ATP2A2: variants seen among roughly 807,000 people sequenced by gnomAD.
The protein encoded by ATP2A2 is ATPase sarcoplasmic/endoplasmic reticulum Ca2+ transporting 2.
Under a neutral mutation model 109.3 loss-of-function variants are expected in ATP2A2, and 14 were observed. The ratio of observed to expected loss-of-function variants is 0.13; its 90% CI spans 0.08 to 0.20. The LOEUF (loss-of-function observed/expected upper bound fraction) is 0.20. Ranked by LOEUF, ATP2A2 falls within the 10% of genes least tolerant of loss-of-function variation. The pLI is 1.00. For missense variants in ATP2A2, 657 were observed against 1,321.6 expected, an observed-to-expected ratio of 0.50 and a Z score of 7.80; for synonymous variants, 506 against 490.9, an observed-to-expected ratio of 1.03 and a Z score of -0.41.
chr12:110,298,014 T>C (rs1307636853), intron 5 of ATP2A2, among the ~76,000 whole-genome samples: 2 of 152,216 alleles, frequency 1.3e-5, no homozygotes, highest in Non-Finnish European at 2.9e-5. Flanking sequence ...CATACTGTTA[T>C]TCAGATTATC....
At chr12:110,330,382 G>C (rs1349967095) in intron 8 of ATP2A2, 7 of 152,148 alleles carry the variant, frequency 4.6e-5, no homozygotes, top group African/African-American at 1.7e-4. Context: ...GTTTCTCCAG[G>C]ATATTAAGGT....
At chr12:110,338,300 C>T (rs1879032238) in intron 11 of ATP2A2, among the ~76,000 whole-genome samples, 1 of 152,214 alleles carries the variant, frequency 6.6e-6, no homozygotes, top group South Asian at 2.1e-4. Flanking sequence ...AGTGCTTATC[C>T]ATCACGTGTG....
At chr12:110,293,382 TTTTTTTG>T (rs1384305761) in intron 4 of ATP2A2, among the ~76,000 whole-genome samples, 1 of 122,806 alleles carries the variant, frequency 8.1e-6, no homozygotes, top group Non-Finnish European at 1.7e-5. Context: ...TTTTTTTTTT[TTTTTTTG>T]TTTGTTTGTT....
chr12:110,307,817 G>C (rs1875544777), intron 5 of ATP2A2, among the ~76,000 whole-genome samples: 1 of 152,166 alleles, frequency 6.6e-6, no homozygotes, highest in South Asian at 2.1e-4. Context: ...TCTGTTGATA[G>C]ATTTCTTCTG....
intron 5 of ATP2A2, among the ~76,000 whole-genome samples, chr12:110,314,002 A>C (rs1196390794): frequency 6.7e-6 from 1 of 148,906 alleles, no homozygotes; most frequent in African/African-American, 2.5e-5. Context: ...GGCATGAGCC[A>C]CTGTGCCCGG....
rs1303620235 is a variant in ATP2A2, at chr12:110,303,865, A to G, written c.463+7128A>G. 2.0e-5 allele frequency among the ~76,000 whole-genome samples: 3 copies of G among 152,156 alleles called. No homozygotes were observed. In the South Asian group the frequency reaches 6.2e-4, roughly 32 times the overall value. On this transcript the variant is annotated intron_variant, in intron 5 of 19. Transcript: ENST00000539276. ...CGTGAGCCACTGCACCTGGCCTTCA[A>G]TACAATTATTGAATGCCAGATTATT...
At chr12:110,333,777 CATCTT>C (rs1192459963) in intron 10 of ATP2A2, among the ~76,000 whole-genome samples, 1 of 152,126 alleles carries the variant, frequency 6.6e-6, no homozygotes, top group Non-Finnish European at 1.5e-5. Flanking sequence ...TGTTTGATGT[CATCTT>C]ATATTTAAGG....
intron 5 of ATP2A2, among the ~76,000 whole-genome samples, chr12:110,304,806 C>T (rs1302540891): frequency 2.0e-5 from 3 of 152,034 alleles, no homozygotes; most frequent in African/African-American, 7.2e-5. Context: ...GGTGTGATGT[C>T]TAAGAAACTG....
chr12:110,333,700 G>A (rs908759928), intron 10 of ATP2A2, among the ~76,000 whole-genome samples: 1 of 152,180 alleles, frequency 6.6e-6, no homozygotes, highest in Non-Finnish European at 1.5e-5. Context: ...ATTATTATGT[G>A]AAGGCACTCT....
In ATP2A2 at chr12:110,348,445, C is replaced by T. The variant is rs11065633; in HGVS notation, c.*1975C>T. ...CTTAGGCTCTGGTTACTGGGATGGCCAGTAGATGTAATGCAGATGGTTGGA... is the reference window on the plus strand; with the variant it reads ...CTTAGGCTCTGGTTACTGGGATGGCTAGTAGATGTAATGCAGATGGTTGGA... On this transcript the variant is annotated 3_prime_UTR_variant, in exon 20 of 20. Coordinates refer to ENST00000539276, the MANE Select transcript of ATP2A2 (RefSeq NM_170665.4). The T allele has an allele frequency of 5.2e-3, 5,161 of 985,364 alleles. 164 individuals carry two copies. In the African/African-American group the frequency reaches 0.078, roughly 15 times the overall value. The allele number at this position is 985,364 out of a possible 1,614,324, so 61.0% of individuals were successfully genotyped here. A position where few individuals can be genotyped will look rare whatever the true frequency, so the allele number is the denominator to read the frequency against.
In ATP2A2 at chr12:110,326,467, C is replaced by T. The variant is rs1877813143; in HGVS notation, c.622C>T (p.Leu208=). The T allele has an allele frequency of 1.9e-6, 3 of 1,611,150 alleles. No homozygotes were observed. The highest frequency in any genetic ancestry group is 2.5e-6 in the Non-Finnish European group (3 of 1,177,530). Residue 208 remains leucine, a synonymous_variant, in exon 7 of 20, where the codon CTG becomes TTG. Transcript: ENST00000539276. ...TGTCAACCAAGATAAAAAGAACATGCTGTTTTCTGTAAGTACTTTATGAAA... is the reference window on the plus strand; with the variant it reads ...TGTCAACCAAGATAAAAAGAACATGTTGTTTTCTGTAAGTACTTTATGAAA... ...RAVNQDKKNM[L]FSGTNIAAGK...
intron 5 of ATP2A2, among the ~76,000 whole-genome samples, chr12:110,314,715 G>A (rs1238481251): frequency 6.6e-6 from 1 of 152,094 alleles, no homozygotes; most frequent in African/African-American, 2.4e-5. Context: ...GCAGTACCTG[G>A]TCTAGAAATA....
In ATP2A2 at chr12:110,348,320, A is replaced by ATGTT. The variant is rs1466914405; in HGVS notation, c.*1851_*1854dup. On this transcript the variant is annotated 3_prime_UTR_variant, in exon 20 of 20. Coordinates refer to ENST00000539276, the MANE Select transcript of ATP2A2 (RefSeq NM_170665.4). ...TGGCTAAGACTTAGCTCTGCAGGGG[A>ATGTT]TGTTAAAGCACAGTTAGTAGGACGT... 7 of 983,406 alleles carry ATGTT rather than the reference A, an allele frequency of 7.1e-6. No individual in the cohort carries two copies. Among genetic ancestry groups the ATGTT allele is most frequent in the Non-Finnish European group, 7.2e-6 (6 of 829,630 alleles). 60.9% of individuals were successfully genotyped at this position (983,406 alleles called of 1,614,324 possible).
chr12:110,339,767 T>C lies in ATP2A2; in HGVS notation c.1761+46T>C. Reference sequence around the variant, plus strand: ...TTTGTCCACACCCTGCACGATTCATTGTGTTTAAACAGTACTCCTTCAAGC... The same window carrying C: ...TTTGTCCACACCCTGCACGATTCATCGTGTTTAAACAGTACTCCTTCAAGC... On this transcript the variant is annotated intron_variant, in intron 13 of 19. Transcript: ENST00000539276. This position sits in a 1 kb window ranked among gnomAD's most constrained non-coding sequence, Gnocchi z 4.4. The C allele has an allele frequency of 1.3e-6, 2 of 1,588,476 alleles. No homozygotes were observed. The highest frequency in any genetic ancestry group is 2.7e-5 in the African/African-American group (2 of 74,506).
intron 3 of ATP2A2, among the ~76,000 whole-genome samples, chr12:110,286,818 TA>T (rs1245521968): frequency 6.6e-6 from 1 of 152,242 alleles, no homozygotes; most frequent in Non-Finnish European, 1.5e-5. Flanking sequence ...ATGATCTTTT[TA>T]AGCACTTTTT....
intron 11 of ATP2A2, 157 bp downstream of exon 11, chr12:110,334,300 C>G (rs556613838): frequency 1.1e-6 from 1 of 941,970 alleles, no homozygotes; most frequent in South Asian, 1.4e-5. Context: ...AGGTAAGATG[C>G]TCTTCCTGTG....
chr12:110,300,141 C>A lies in ATP2A2; in HGVS notation c.463+3404C>A, dbSNP rs1380009999. 5.6e-5 allele frequency among the ~76,000 whole-genome samples: 8 copies of A among 142,686 alleles called. No homozygotes were observed. In the East Asian group the frequency reaches 1.7e-3, roughly 30 times the overall value. The allele number at this position is 142,686 out of a possible 152,430, so 93.6% of individuals were successfully genotyped here. A position where few individuals can be genotyped will look rare whatever the true frequency, so the allele number is the denominator to read the frequency against. ...TCCCTCCCCTCCCCTCCCCTCCCCT[C>A]CCCTCCTTCTGTCCTCCCTCTTTTC... On this transcript the variant is annotated intron_variant, in intron 5 of 19. Transcript: ENST00000539276.
Position 110,328,628 on chromosome 12 carries a change from C to T in ATP2A2, c.1095+611C>T, listed in dbSNP as rs1878039442. Among the ~76,000 whole-genome samples, 3 of 152,304 alleles carry T rather than the reference C, an allele frequency of 2.0e-5. No homozygotes were observed. In the South Asian group the frequency reaches 6.2e-4, roughly 32 times the overall value. Reference sequence around the variant, plus strand: ...TGTTGCCCAGGCTAGTGTGCAGTGACACAGCTGTGGCTCACTTACAGCCTC... The same window carrying T: ...TGTTGCCCAGGCTAGTGTGCAGTGATACAGCTGTGGCTCACTTACAGCCTC... On this transcript the variant is annotated intron_variant, in intron 8 of 19. Transcript: ENST00000539276.
rs1174286584 is a variant in ATP2A2 at position 110,348,647 on chromosome 12, G to T, written c.*2177G>T. ...AGCCCTTTGGAGGCCACAGCAGAAG[G>T]ATTGCTTGAGCCCAGGTACTCAAAC... On this transcript the variant is annotated 3_prime_UTR_variant, in exon 20 of 20. Transcript: ENST00000539276. 7 of 985,304 alleles carry T rather than the reference G, an allele frequency of 7.1e-6. No individual in the cohort carries two copies. Among genetic ancestry groups the T allele is most frequent in the East Asian group, 2.3e-4 (2 of 8,818 alleles). 61.0% of individuals were successfully genotyped at this position (985,304 alleles called of 1,614,324 possible). A position where few individuals can be genotyped will look rare whatever the true frequency, so the allele number is the denominator to read the frequency against.
Sources: allele counts gnomAD v4.1 joint callset (sites outside exome capture counted in the v4.1 genomes callset), GRCh38; gene constraint gnomAD v4.1.1; non-coding constraint Gnocchi (gnomAD v3.1); transcripts MANE v1.5; gene names NCBI Gene and HGNC (gene_info 2026-07-23, HGNC 2026-07-21).